Variants in LHFPL3 observed in about 807,000 individuals in gnomAD.
The protein encoded by LHFPL3 is LHFPL tetraspan subfamily member 3 protein.
In LHFPL3, 5 loss-of-function variants were observed where a neutral mutation model predicts 19.3. That is an observed-to-expected ratio of 0.26 (90% CI 0.14 to 0.54). The LOEUF is 0.54. Ranked by LOEUF, LHFPL3 falls within the 20% of genes least tolerant of loss-of-function variation. The pLI is 0.94. For missense variants in LHFPL3, 249 were observed against 307.4 expected (o/e 0.81, Z 1.42); for synonymous variants, 133 against 126.2 (o/e 1.05, Z -0.36).
rs761906917 is a variant in LHFPL3, at chr7:104,456,159, A to G, written c.445+126935A>G. Among the ~76,000 whole-genome samples the G allele has an allele frequency of 2.6e-5, 4 of 152,304 alleles. No individual in the cohort carries two copies. The South Asian group carries it at 8.3e-4, about 32-fold the overall frequency. ...TAATGAAAGAATAACGTAACTATGT[A>G]TATACCTTTAATTTTTAAAGTTGTA... On this transcript the variant is annotated intron_variant, in intron 1 of 2. Transcript: ENST00000424859.
intron 2 of LHFPL3, among the ~76,000 whole-genome samples, chr7:104,825,568 C>G (rs955212597): frequency 6.6e-6 from 1 of 151,838 alleles, no homozygotes; most frequent in Non-Finnish European, 1.5e-5. Context: ...AGGATTAAGT[C>G]AGCTGCACAT....
intron 1 of LHFPL3, among the ~76,000 whole-genome samples, chr7:104,652,872 G>A (rs1792056793): frequency 6.6e-6 from 1 of 152,196 alleles, no homozygotes. Flanking sequence ...GAAAAAGTAG[G>A]TAGTGGCAGC....
intron 2 of LHFPL3, among the ~76,000 whole-genome samples, chr7:104,846,752 CCCCAGG>C (rs1791320959): frequency 6.6e-6 from 1 of 152,146 alleles, no homozygotes; most frequent in Non-Finnish European, 1.5e-5. Context: ...CCGAAAAGGA[CCCCAGG>C]TCCCTGTCCT....
chr7:104,736,757 A>C lies in LHFPL3; in HGVS notation c.528A>C (p.Thr176=). 6.2e-7 allele frequency: 1 copy of C among 1,613,802 alleles called. No homozygotes were observed. The change falls in exon 2 of 3, where the codon ACA becomes ACC. Residue 176 remains threonine (T), a synonymous_variant. Coordinates refer to ENST00000424859, the MANE Select transcript of LHFPL3 (RefSeq NM_199000.3). ...DEVKRMCGEK[T]DKYTLGACSV... ...TAAAACGGATGTGTGGAGAAAAGAC[A>C]GACAAGTACACTCTTGGGGCTTGCT... is the stretch of plus-strand genomic sequence containing the variant.
intron 2 of LHFPL3, among the ~76,000 whole-genome samples, chr7:104,780,292 G>A (rs776120010): frequency 7.2e-5 from 11 of 152,122 alleles, no homozygotes; most frequent in Admixed American, 5.9e-4. Flanking sequence ...TCCCACTCCC[G>A]CTGCCAGCAA....
At chr7:104,532,140 C>T (rs1238971972) in intron 1 of LHFPL3, among the ~76,000 whole-genome samples, 1 of 152,048 alleles carries the variant, frequency 6.6e-6, no homozygotes, top group Non-Finnish European at 1.5e-5. Context: ...TATTTTGAAA[C>T]TGGGTCTTGC....
At chr7:104,864,615 C>G (rs1339742543) in intron 2 of LHFPL3, among the ~76,000 whole-genome samples, 1 of 152,224 alleles carries the variant, frequency 6.6e-6, no homozygotes, top group Non-Finnish European at 1.5e-5. Context: ...TGGGTAGAGC[C>G]CACTGCAGCT....
chr7:104,653,185 G>A (rs1157566304), intron 1 of LHFPL3, among the ~76,000 whole-genome samples: 3 of 152,196 alleles, frequency 2.0e-5, no homozygotes, highest in Admixed American at 6.5e-5. Context: ...ACATGAAATC[G>A]TTTGTGCTGA....
At chr7:104,337,927 A>T (rs972511504) in intron 1 of LHFPL3, among the ~76,000 whole-genome samples, 1 of 152,112 alleles carries the variant, frequency 6.6e-6, no homozygotes, top group Non-Finnish European at 1.5e-5. Flanking sequence ...TTCATAGAGA[A>T]AGGAATGCTC....
rs1470239225 is a variant in LHFPL3, at chr7:104,646,678, T to C, written c.446-89997T>C. On this transcript the variant is annotated intron_variant, in intron 1 of 2. Coordinates refer to ENST00000424859, the MANE Select transcript of LHFPL3 (RefSeq NM_199000.3). ...TTCCCCTAATCAAACGTAAACATAATTATAGGGGACTGAGCTATTGAATGT... is the reference window on the plus strand; with the variant it reads ...TTCCCCTAATCAAACGTAAACATAACTATAGGGGACTGAGCTATTGAATGT... Among the ~76,000 whole-genome samples the C allele has an allele frequency of 7.9e-5, 12 of 152,294 alleles. No individual in the cohort carries two copies. The East Asian group carries it at 2.3e-3, about 29-fold the overall frequency.
At chr7:104,407,921 A>G (rs181939728) in intron 1 of LHFPL3, among the ~76,000 whole-genome samples, 3 of 152,354 alleles carry the variant, frequency 2.0e-5, no homozygotes, top group East Asian at 1.9e-4. Flanking sequence ...ATGAATTACA[A>G]TTCCAAATCC....
At chr7:104,424,013 A>G (rs1791788188) in intron 1 of LHFPL3, among the ~76,000 whole-genome samples, 1 of 152,232 alleles carries the variant, frequency 6.6e-6, no homozygotes, top group African/African-American at 2.4e-5. Flanking sequence ...AGGAGGTAGT[A>G]AAATGTACCC....
intron 1 of LHFPL3, among the ~76,000 whole-genome samples, chr7:104,594,913 C>A (rs186256166): frequency 3.0e-4 from 45 of 152,326 alleles, no homozygotes; most frequent in African/African-American, 9.9e-4. Flanking sequence ...CTTCCCTACA[C>A]TGTTTATTCT....
chr7:104,839,968 G>A (rs1039814929), intron 2 of LHFPL3, among the ~76,000 whole-genome samples: 4 of 152,052 alleles, frequency 2.6e-5, no homozygotes, highest in Non-Finnish European at 5.9e-5. Flanking sequence ...ATCTCAAAAT[G>A]AAGCAAGTTG....
intron 1 of LHFPL3, among the ~76,000 whole-genome samples, chr7:104,357,437 G>A (rs893416070): frequency 1.3e-5 from 2 of 152,128 alleles, no homozygotes; most frequent in African/African-American, 2.4e-5. Flanking sequence ...GTAAATGATT[G>A]TCTAAAACAT....
intron 1 of LHFPL3, among the ~76,000 whole-genome samples, chr7:104,441,605 C>G (rs796322616): frequency 4.3e-4 from 65 of 152,242 alleles, no homozygotes; most frequent in African/African-American, 1.5e-3. Context: ...GAGACAATGT[C>G]TTGCCCTGTC....
chr7:104,491,092 A>C (rs1793337212), intron 1 of LHFPL3, among the ~76,000 whole-genome samples: 1 of 152,140 alleles, frequency 6.6e-6, no homozygotes, highest in Admixed American at 6.5e-5. Flanking sequence ...AGAGAACAGA[A>C]GCCATGGGCC....
Position 104,908,117 on chromosome 7 carries a change from T to C in LHFPL3, c.*1902T>C, listed in dbSNP as rs1238089448. ...AGGTACCTGTCTACTTTATCTACAATAAAAACAAAGGGTATTGGCTTTCTC... is the reference window on the plus strand; with the variant it reads ...AGGTACCTGTCTACTTTATCTACAACAAAAACAAAGGGTATTGGCTTTCTC... On this transcript the variant is annotated 3_prime_UTR_variant, in exon 3 of 3. Transcript: ENST00000424859. Among the ~76,000 whole-genome samples, 1 of 152,176 alleles carries C rather than the reference T, an allele frequency of 6.6e-6. No homozygotes were observed. The highest frequency in any genetic ancestry group is 2.4e-5 in the African/African-American group (1 of 41,456).
chr7:104,448,049 C>G (rs867290659), intron 1 of LHFPL3, among the ~76,000 whole-genome samples: 18 of 152,158 alleles, frequency 1.2e-4, no homozygotes, highest in African/African-American at 4.3e-4. Context: ...TACCTCTAGA[C>G]TTTCCAAAAG....
Sources: allele counts gnomAD v4.1 joint callset (sites outside exome capture counted in the v4.1 genomes callset), GRCh38; gene constraint gnomAD v4.1.1; transcripts MANE v1.5; gene names NCBI Gene and HGNC (gene_info 2026-07-23, HGNC 2026-07-21).